HJURP: variants seen among roughly 807,000 people sequenced by gnomAD.
HJURP encodes the protein Holliday junction recognition protein, also known as 14-3-3-associated AKT substrate.
In HJURP, 49 loss-of-function variants were observed where a neutral mutation model predicts 72.0. The ratio of observed to expected loss-of-function variants is 0.68; its 90% CI spans 0.54 to 0.86. The LOEUF is 0.86. Among genes scored for constraint, HJURP ranks in the 40% least tolerant of loss-of-function variants. The pLI is 0.00. For synonymous variants in HJURP, 357 were observed against 347.1 expected (o/e 1.03, Z -0.32); for missense variants, 908 against 936.3 (o/e 0.97, Z 0.39).
chr2:233,841,039 T>C lies in HJURP; in HGVS notation c.1741A>G (p.Lys581Glu), dbSNP rs1039914409. Residue 581 changes from lysine to glutamate, a missense_variant, in exon 8 of 9, where the codon AAA becomes GAA. By Grantham distance (56) the Lys-to-Glu change is moderately conservative. Around this residue, in one of 3 missense-constraint regions of HJURP, gnomAD observed 598 missense variants for 619.5 expected, o/e 0.97. Transcript: ENST00000411486. ...GHGRNRYDEI[K>E]EEFDKLHQKY... ...TGATGAAGCTTGTCAAATTCTTCTT[T>C]AATTTCATCGTAACGATTCCTTCCG... is the stretch of plus-strand genomic sequence containing the variant. 1.9e-6 allele frequency: 3 copies of C among 1,614,134 alleles called. No individual in the cohort carries two copies. In the African/African-American group the frequency reaches 4.0e-5, roughly 22 times the overall value.
At chr2:233,842,686 A>G (rs1276527010) in intron 7 of HJURP, among the ~76,000 whole-genome samples, 1 of 152,248 alleles carries the variant, frequency 6.6e-6, no homozygotes, top group African/African-American at 2.4e-5. Context: ...AGAAAAAAAA[A>G]GAGTCCAAAT....
chr2:233,839,198 T>C (rs146443005), intron 8 of HJURP, among the ~76,000 whole-genome samples: 142 of 152,326 alleles, frequency 9.3e-4, no homozygotes, highest in Middle Eastern at 3.4e-3. Flanking sequence ...TGGGAGCTTC[T>C]AGAACTGAGC....
chr2:233,845,973 C>T (rs754052115), intron 5 of HJURP, 153 bp from the exon 6 acceptor site: 8 of 570,608 alleles, frequency 1.4e-5, no homozygotes, highest in Non-Finnish European at 2.5e-5. Context: ...TTCAAAGTCA[C>T]TTTTTCACTT....
rs1218054652 is a variant in HJURP, at chr2:233,840,890, G to T, written c.1890C>A (p.Asp630Glu). The T allele has an allele frequency of 6.2e-7, 1 of 1,614,026 alleles. No individual in the cohort carries two copies. The highest frequency in any genetic ancestry group is 8.5e-7 in the Non-Finnish European group (1 of 1,180,046). Residue 630 changes from aspartate to glutamate, a missense_variant, in exon 8 of 9, where the codon GAC becomes GAA. Coordinates refer to ENST00000411486, the MANE Select transcript of HJURP (RefSeq NM_018410.5). ...TEGFLGKLNP[D>E]PHFQGFQKLP... ...ACTTCTGGAAACCCTGGAAGTGAGGGTCTGGATTTAATTTTCCTAAGAAGC... is the reference window on the plus strand; with the variant it reads ...ACTTCTGGAAACCCTGGAAGTGAGGTTCTGGATTTAATTTTCCTAAGAAGC...
At chr2:233,838,744 C>T (rs1300206592) in intron 8 of HJURP, among the ~76,000 whole-genome samples, 2 of 152,196 alleles carry the variant, frequency 1.3e-5, no homozygotes, top group African/African-American at 2.4e-5. Context: ...CTTGAGAGGT[C>T]ATCTGTTAAA....
chr2:233,838,043 A>G (rs1205918668), intron 8 of HJURP, among the ~76,000 whole-genome samples: 1 of 152,246 alleles, frequency 6.6e-6, no homozygotes, highest in African/African-American at 2.4e-5. Context: ...ATGAAAGAAG[A>G]TAAGACGTAA....
intron 4 of HJURP, 101 bp downstream of exon 4, chr2:233,849,662 A>G: frequency 1.4e-6 from 1 of 722,142 alleles, no homozygotes; most frequent in Non-Finnish European, 2.3e-6. Context: ...TAGAAAAAAT[A>G]AAAACTTCAC....
chr2:233,840,678 G>A lies in HJURP; in HGVS notation c.2102C>T (p.Ser701Leu), dbSNP rs146571603. The stretch of plus-strand genomic sequence containing the variant: ...TCTGACGGTGTTGTCCACCCCATCT[G>A]AGGCACCCAGGGAATTGCCCTGGCG... ...SGRQGNSLGA[S>L]DGVDNTVRPG... Residue 701 changes from serine to leucine, a missense_variant, in exon 8 of 9, where the codon TCA (serine) becomes TTA (leucine). This residue lies in a region of HJURP where 598 missense variants were observed against 619.5 expected (regional missense o/e 0.97). Coordinates refer to ENST00000411486, the MANE Select transcript of HJURP (RefSeq NM_018410.5). 5.6e-6 allele frequency: 9 copies of A among 1,613,866 alleles called. No individual in the cohort carries two copies. The Admixed American group carries it at 1.3e-4, about 24-fold the overall frequency.
Position 233,847,480 on chromosome 2 carries a change from A to C in HJURP, c.338-19T>G. 6.2e-7 allele frequency: 1 copy of C among 1,608,880 alleles called. No individual in the cohort carries two copies. Among genetic ancestry groups the C allele is most frequent in the Non-Finnish European group, 8.5e-7 (1 of 1,175,124 alleles). On this transcript the variant is annotated intron_variant, in intron 4 of 8. Transcript: ENST00000411486. ...TTTGAATCTAAAAGTCAAACAAGTA[A>C]ATCTCAATCAGGATTTTCAGGAAGG...
intron 8 of HJURP, among the ~76,000 whole-genome samples, chr2:233,839,029 G>A (rs1240529781): frequency 1.3e-5 from 2 of 152,206 alleles, no homozygotes; most frequent in Admixed American, 1.3e-4. Flanking sequence ...GGGCCCTGCA[G>A]AGAAAAACCT....
intron 4 of HJURP, among the ~76,000 whole-genome samples, chr2:233,848,128 T>A (rs1369614917): frequency 1.3e-5 from 2 of 151,980 alleles, no homozygotes; most frequent in African/African-American, 4.8e-5. Flanking sequence ...TCAACACCCA[T>A]CACTAACTAT....
In HJURP at chr2:233,849,800, AC is replaced by A. The variant is rs759143145; in HGVS notation, c.299del (p.Gly100ValfsTer34). On this transcript the variant is annotated frameshift_variant, in exon 4 of 9. Transcript: ENST00000411486. LOFTEE classifies it high-confidence loss of function. ...CTGTGCGGTGCGAGGGAAGCTCAGGACCCCAGGCTGCAGCTTGCACGGAGCC... is the reference window on the plus strand; with the variant it reads ...CTGTGCGGTGCGAGGGAAGCTCAGGACCCAGGCTGCAGCTTGCACGGAGCC... ...TDGSVQAAAWGPELPSHRTVL... is the reference protein window; with the variant it reads ...TDGSVQAAAWXPELPSHRTVL... 1 of 1,555,136 alleles carries A rather than the reference AC, an allele frequency of 6.4e-7. No individual in the cohort carries two copies. Among genetic ancestry groups the A allele is most frequent in the Non-Finnish European group, 8.7e-7 (1 of 1,148,870 alleles).
At chr2:233,854,264 C>A in intron 1 of HJURP, 120 bp downstream of exon 1, 3 of 671,082 alleles carry the variant, frequency 4.5e-6, no homozygotes, top group East Asian at 5.7e-5. Context: ...AAGCCCCAGT[C>A]CCGCTTCCCC....
At chr2:233,842,887 G>A (rs2124965194) in intron 7 of HJURP, among the ~76,000 whole-genome samples, 1 of 152,326 alleles carries the variant, frequency 6.6e-6, no homozygotes, top group South Asian at 2.1e-4. Flanking sequence ...ACTGGGAGAG[G>A]CAGATATGGC....
chr2:233,845,636 T>C, intron 6 of HJURP, 92 bp downstream of exon 6: 1 of 782,376 alleles, frequency 1.3e-6, no homozygotes, highest in Non-Finnish European at 2.1e-6. Flanking sequence ...ATGGGTTCTG[T>C]AGAAAAAACA....
In HJURP at chr2:233,841,142, T is replaced by A. The variant is rs1456001877; in HGVS notation, c.1638A>T (p.Gly546=). 1 of 1,614,162 alleles carries A rather than the reference T, an allele frequency of 6.2e-7. No individual in the cohort carries two copies. Among genetic ancestry groups the A allele is most frequent in the Non-Finnish European group, 8.5e-7 (1 of 1,180,026 alleles). The change falls in exon 8 of 9, where the codon GGA becomes GGT. Residue 546 remains glycine, a synonymous_variant. Coordinates refer to ENST00000411486, the MANE Select transcript of HJURP (RefSeq NM_018410.5). ...ACTTTCTAAATATTCCAGAACTATT[T>A]CCCTGAACGTGAAGGTCAGATGTCT... ...PQQTSDLHVQ[G]NSSGIFRKSV...
intron 1 of HJURP, 131 bp from the exon 2 acceptor site, chr2:233,854,041 G>A: frequency 1.4e-6 from 1 of 735,746 alleles, no homozygotes; most frequent in South Asian, 1.7e-5. Flanking sequence ...TCTCTGCAGC[G>A]GAGCCCCCAA....
At chr2:233,843,310 C>T (rs1705277825) in intron 7 of HJURP, among the ~76,000 whole-genome samples, 1 of 152,042 alleles carries the variant, frequency 6.6e-6, no homozygotes, top group South Asian at 2.1e-4. Flanking sequence ...CCTAGGAGAT[C>T]TCAAAGAATC....
intron 3 of HJURP, among the ~76,000 whole-genome samples, chr2:233,850,978 G>A (rs1383949307): frequency 6.6e-6 from 1 of 152,208 alleles, no homozygotes; most frequent in Non-Finnish European, 1.5e-5. Flanking sequence ...AGGCGGATCT[G>A]GACACTGTCA....
Sources: allele counts gnomAD v4.1 joint callset (sites outside exome capture counted in the v4.1 genomes callset), GRCh38; gene constraint gnomAD v4.1.1; regional missense constraint gnomAD v4.1.1; transcripts MANE v1.5; gene names NCBI Gene and HGNC (gene_info 2026-07-23, HGNC 2026-07-21).